Variants in EBF3 observed in about 807,000 individuals in gnomAD.
EBF3 encodes EBF transcription factor 3, also known as transcription factor COE3.
A neutral mutation model predicts 77.1 loss-of-function variants in EBF3; 18 were observed. That is an observed-to-expected ratio of 0.23 (90% CI 0.16 to 0.35). The LOEUF is 0.35. EBF3 is among the 10% of genes least tolerant of loss of function. The pLI is 1.00. For synonymous variants in EBF3, 350 were observed against 343.5 expected (o/e 1.02, Z -0.21); for missense variants, 558 against 860.0 (o/e 0.65, Z 4.39).
chr10:129,941,380 G>A (rs867485439), intron 6 of EBF3, among the ~76,000 whole-genome samples: 3 of 152,220 alleles, frequency 2.0e-5, no homozygotes, highest in Non-Finnish European at 4.4e-5. Flanking sequence ...GTTCTGCCCC[G>A]GTCATCACAA....
chr10:129,916,204 G>A (rs897144442), intron 6 of EBF3, among the ~76,000 whole-genome samples: 3 of 152,286 alleles, frequency 2.0e-5, no homozygotes, highest in South Asian at 2.1e-4. Flanking sequence ...GGGGAGAGAC[G>A]GGCGGGTGCA....
rs34613166 is a variant in EBF3, at chr10:129,904,627, AATGGATGG to A, written c.555-26786_555-26779del. Among the ~76,000 whole-genome samples, 35 of 149,820 alleles carry A rather than the reference AATGGATGG, an allele frequency of 2.3e-4. No individual in the cohort carries two copies. In the South Asian group the frequency reaches 2.8e-3, roughly 12 times the overall value. On this transcript the variant is annotated intron_variant, in intron 6 of 16. Coordinates refer to ENST00000440978, the MANE Select transcript of EBF3 (RefSeq NM_001375380.1). ...GGATAGACGGATGGCTGGATGGACA[AATGGATGG>A]ATGGATGGATGGATGGATGGATGGA...
At chr10:129,953,399 C>A (rs1057284949) in intron 6 of EBF3, among the ~76,000 whole-genome samples, 1 of 151,408 alleles carries the variant, frequency 6.6e-6, no homozygotes, top group African/African-American at 2.4e-5. Flanking sequence ...ATCCTCCCCC[C>A]TCTTCAACCC....
At chr10:129,927,633 G>A (rs1372593695) in intron 6 of EBF3, among the ~76,000 whole-genome samples, 2 of 152,180 alleles carry the variant, frequency 1.3e-5, no homozygotes, top group Non-Finnish European at 2.9e-5. Context: ...CTGAACCCAT[G>A]CCTCTGGAAT....
intron 7 of EBF3, 71 bp downstream of exon 7, chr10:129,877,697 G>T: frequency 2.2e-6 from 3 of 1,346,912 alleles, no homozygotes; most frequent in East Asian, 2.3e-5. Context: ...CTGAACAGTT[G>T]CAAATCAGAG....
intron 5 of EBF3, 59 bp from the exon 6 acceptor site, chr10:129,957,385 T>C: frequency 7.1e-7 from 1 of 1,400,684 alleles, no homozygotes; most frequent in Non-Finnish European, 9.6e-7. Context: ...ATGCCCGACT[T>C]GTATTTTTTT....
intron 6 of EBF3, among the ~76,000 whole-genome samples, chr10:129,902,229 CA>C (rs1262900450): frequency 3.9e-5 from 4 of 103,120 alleles, no homozygotes; most frequent in South Asian, 4.1e-4. Flanking sequence ...AACTTCCAGA[CA>C]TTTTTTTTTT....
chr10:129,902,766 GC>G (rs1854880968), intron 6 of EBF3, among the ~76,000 whole-genome samples: 1 of 152,164 alleles, frequency 6.6e-6, no homozygotes, highest in South Asian at 2.1e-4. Flanking sequence ...GGTCAGTAAT[GC>G]ATTAAAACAA....
chr10:129,902,054 C>T (rs949112621), intron 6 of EBF3, among the ~76,000 whole-genome samples: 1 of 152,154 alleles, frequency 6.6e-6, no homozygotes, highest in African/African-American at 2.4e-5. Flanking sequence ...AATACAAAAT[C>T]TACAGCCTGT....
chr10:129,932,005 C>G (rs981052369), intron 6 of EBF3, among the ~76,000 whole-genome samples: 5 of 152,150 alleles, frequency 3.3e-5, no homozygotes, highest in African/African-American at 1.2e-4. Context: ...GTCCAGCCAC[C>G]CTGGAGAGCT....
chr10:129,879,485 C>A lies in EBF3; in HGVS notation c.555-1636G>T, dbSNP rs966973409. Among the ~76,000 whole-genome samples the A allele has an allele frequency of 2.0e-5, 3 of 152,126 alleles. No individual in the cohort carries two copies. The highest frequency in any genetic ancestry group is 2.0e-4 in the Admixed American group (3 of 15,282). On this transcript the variant is annotated intron_variant, in intron 6 of 16. Coordinates refer to ENST00000440978, the MANE Select transcript of EBF3 (RefSeq NM_001375380.1). The surrounding 1 kb of genome is among the most constrained non-coding windows in gnomAD (Gnocchi z 4.7). ...CGGACCAAGACTCATCTAAGTGCCC[C>A]CCCAGCATATCCTGGATGACTTCTT...
In EBF3 at chr10:129,841,042, T is replaced by TCCCCCC. The variant is rs68001511; in HGVS notation, c.1373-16_1373-11dup. On this transcript the variant is annotated splice_polypyrimidine_tract_variant and intron_variant, in intron 13 of 16. Coordinates refer to ENST00000440978, the MANE Select transcript of EBF3 (RefSeq NM_001375380.1). This position sits in a 1 kb window ranked among gnomAD's most constrained non-coding sequence, Gnocchi z 4.6. ...TTGCGACTGTAGCCGACTGTTGAAATCCCCCCCCCGGCCAAAAATAACATT... is the reference window on the plus strand; with the variant it reads ...TTGCGACTGTAGCCGACTGTTGAAATCCCCCCCCCCCCCCCGGCCAAAAATAACATT... The TCCCCCC allele has an allele frequency of 7.7e-5, 117 of 1,509,976 alleles. No individual in the cohort carries two copies. The highest frequency in any genetic ancestry group is 1.9e-4 in the East Asian group (8 of 41,862). The allele number at this position is 1,509,976 out of a possible 1,614,324, so 93.5% of individuals were successfully genotyped here. A position where few individuals can be genotyped will look rare whatever the true frequency, so the allele number is the denominator to read the frequency against.
chr10:129,912,254 C>A (rs966924237), intron 6 of EBF3, among the ~76,000 whole-genome samples: 2 of 152,160 alleles, frequency 1.3e-5, no homozygotes, highest in Non-Finnish European at 2.9e-5. Flanking sequence ...AAGGGCCCTG[C>A]GGCTCCTCTC....
intron 6 of EBF3, among the ~76,000 whole-genome samples, chr10:129,907,948 C>T (rs1855262047): frequency 6.6e-6 from 1 of 152,172 alleles, no homozygotes; most frequent in South Asian, 2.1e-4. Context: ...CAGCACTGAA[C>T]AGAGAATCCT....
At chr10:129,957,401 T>C in intron 5 of EBF3, 75 bp from the exon 6 acceptor site, 1 of 1,263,062 alleles carries the variant, frequency 7.9e-7, no homozygotes, top group Non-Finnish European at 1.1e-6. Context: ...TTTTTTTTTT[T>C]CTGACGTCTG....
Position 129,882,416 on chromosome 10 carries a change from G to A in EBF3, c.555-4567C>T, listed in dbSNP as rs77930958. On this transcript the variant is annotated intron_variant, in intron 6 of 16. Coordinates refer to ENST00000440978, the MANE Select transcript of EBF3 (RefSeq NM_001375380.1). ...AATTTAATGGAATATCAAGGAGTCC[G>A]TGGCATTAGATGCTGGCAACAGAGA... 6.2e-3 allele frequency among the ~76,000 whole-genome samples: 949 copies of A among 152,334 alleles called. 8 individuals are homozygous for A. Among genetic ancestry groups the A allele is most frequent in the East Asian group, 0.052 (271 of 5,182 alleles).
chr10:129,892,470 G>A (rs76862860), intron 6 of EBF3, among the ~76,000 whole-genome samples: 3,337 of 152,330 alleles, frequency 0.022, 73 homozygotes, highest in African/African-American at 0.042. Flanking sequence ...CCGGACACCT[G>A]TGAGGTGAGC....
At chr10:129,882,144 A>C (rs1853254612) in intron 6 of EBF3, among the ~76,000 whole-genome samples, 1 of 152,244 alleles carries the variant, frequency 6.6e-6, no homozygotes, top group South Asian at 2.1e-4. Context: ...TAGTTCATTT[A>C]TATTTACTTT....
chr10:129,917,651 C>CAAAAAAAAAAAAAAAAAAA lies in EBF3; in HGVS notation c.554+39588_554+39606dup, dbSNP rs71481019. Among the ~76,000 whole-genome samples the CAAAAAAAAAAAAAAAAAAA allele has an allele frequency of 8.5e-4, 20 of 23,594 alleles. 3 individuals carry two copies. The highest frequency in any genetic ancestry group is 2.3e-3 in the African/African-American group (12 of 5,332). 15.5% of individuals were successfully genotyped at this position (23,594 alleles called of 152,430 possible). A position where few individuals can be genotyped will look rare whatever the true frequency, so the allele number is the denominator to read the frequency against. On this transcript the variant is annotated intron_variant, in intron 6 of 16. Coordinates refer to ENST00000440978, the MANE Select transcript of EBF3 (RefSeq NM_001375380.1). ...TGGGCACCACAGCAAGACCCTGCCT[C>CAAAAAAAAAAAAAAAAAAA]AAAAAAAAAAAAAAAAAAAAAAAAA...
Sources: allele counts gnomAD v4.1 joint callset (sites outside exome capture counted in the v4.1 genomes callset), GRCh38; gene constraint gnomAD v4.1.1; non-coding constraint Gnocchi (gnomAD v3.1); transcripts MANE v1.5; gene names NCBI Gene and HGNC (gene_info 2026-07-23, HGNC 2026-07-21).